CLEC6A: variants seen among roughly 807,000 people sequenced by gnomAD.
The protein encoded by CLEC6A is C-type lectin domain containing 6A.
In CLEC6A, 22 loss-of-function variants were observed where a neutral mutation model predicts 25.7. That is an observed-to-expected ratio of 0.85 (90% CI 0.61 to 1.22). The LOEUF (loss-of-function observed/expected upper bound fraction) is 1.22. CLEC6A is among the 50% of genes most tolerant of loss of function. CLEC6A has a pLI of 0.00. For missense variants in CLEC6A, 240 were observed against 236.8 expected, an observed-to-expected ratio of 1.01 and a Z score of -0.09; for synonymous variants, 92 against 76.7, an observed-to-expected ratio of 1.20 and a Z score of -1.04.
chr12:8,473,683 A>G (rs1939935932), intron 4 of CLEC6A, among the ~76,000 whole-genome samples: 1 of 152,166 alleles, frequency 6.6e-6, no homozygotes, highest in South Asian at 2.1e-4. Flanking sequence ...ACTAATTCGC[A>G]TTCCCACCAG....
At chr12:8,466,227 C>T (rs1939827400) in intron 4 of CLEC6A, among the ~76,000 whole-genome samples, 1 of 152,150 alleles carries the variant, frequency 6.6e-6, no homozygotes, top group African/African-American at 2.4e-5. Context: ...ATTTAGCCTT[C>T]TTTTTCTCCT....
At chr12:8,459,094 G>A (rs1217882272) in intron 2 of CLEC6A, among the ~76,000 whole-genome samples, 1 of 152,062 alleles carries the variant, frequency 6.6e-6, no homozygotes, top group Non-Finnish European at 1.5e-5. Context: ...GGTTATTAAG[G>A]CTAAGGAGAA....
chr12:8,476,221 C>A lies in CLEC6A; in HGVS notation c.466C>A (p.Pro156Thr), dbSNP rs1939972589. 2 of 1,601,840 alleles carry A rather than the reference C, an allele frequency of 1.2e-6. No homozygotes were observed. The highest frequency in any genetic ancestry group is 2.2e-5 in the East Asian group (1 of 44,824). ...TAATTGGCAATGGATTGATAAGACA[C>A]CTTATGAGAAAAATGTCAGGTGAGT... is the stretch of plus-strand genomic sequence containing the variant. The part of the protein sequence containing the change: ...NNNWQWIDKT[P>T]YEKNVRFWHL... Residue 156 changes from proline (P) to threonine (T), a missense_variant, in exon 5 of 6, where the codon CCT (proline) becomes ACT (threonine). Physicochemically the swap from Pro to Thr is conservative, Grantham distance 38. Coordinates refer to ENST00000382073, the MANE Select transcript of CLEC6A (RefSeq NM_001007033.2).
chr12:8,456,292 T>C, intron 1 of CLEC6A, 150 bp downstream of exon 1: 4 of 751,468 alleles, frequency 5.3e-6, no homozygotes, highest in Non-Finnish European at 6.5e-6. Flanking sequence ...GAGTAATTCT[T>C]CAGAGCCAGA....
chr12:8,464,478 G>A (rs186321447), intron 3 of CLEC6A, among the ~76,000 whole-genome samples: 126 of 152,050 alleles, frequency 8.3e-4, no homozygotes, highest in African/African-American at 2.7e-3. Flanking sequence ...AAAGGCGTCC[G>A]CCACCACACC....
chr12:8,459,766 T>C, intron 3 of CLEC6A, 68 bp downstream of exon 3: 3 of 982,946 alleles, frequency 3.1e-6, no homozygotes, highest in South Asian at 2.5e-5. Flanking sequence ...GAGCTCAAGA[T>C]TGGTGTATTC....
At chr12:8,457,052 G>A (rs367673177) in intron 1 of CLEC6A, among the ~76,000 whole-genome samples, 1 of 152,016 alleles carries the variant, frequency 6.6e-6, no homozygotes, top group Non-Finnish European at 1.5e-5. Context: ...GGAGGTTGCA[G>A]GGTGCCAAGA....
chr12:8,465,707 G>A, intron 4 of CLEC6A, 78 bp downstream of exon 4: 1 of 1,306,388 alleles, frequency 7.7e-7, no homozygotes, highest in South Asian at 1.3e-5. Flanking sequence ...CCATTTTTCA[G>A]TGTACTGTTC....
At chr12:8,477,073 T>C (rs1434348812) in intron 5 of CLEC6A, among the ~76,000 whole-genome samples, 7 of 152,082 alleles carry the variant, frequency 4.6e-5, no homozygotes, top group Admixed American at 1.3e-4. Flanking sequence ...AAGAGGAAGA[T>C]GATTGCAGCG....
chr12:8,477,578 C>G lies in CLEC6A; in HGVS notation c.*114C>G. On this transcript the variant is annotated 3_prime_UTR_variant, in exon 6 of 6. Coordinates refer to ENST00000382073, the MANE Select transcript of CLEC6A (RefSeq NM_001007033.2). The stretch of plus-strand genomic sequence containing the variant: ...ATTTCTTCCTGAATTTACACATAAT[C>G]CTTATGTTATAGAGGTTCACAGAAA... 7.8e-6 allele frequency: 6 copies of G among 773,676 alleles called. No homozygotes were observed. Among genetic ancestry groups the G allele is most frequent in the African/African-American group, 1.8e-5 (1 of 56,046 alleles). The allele number at this position is 773,676 out of a possible 1,614,324, so 47.9% of individuals were successfully genotyped here. A position where few individuals can be genotyped will look rare whatever the true frequency, so the allele number is the denominator to read the frequency against.
Position 8,477,554 on chromosome 12 carries a change from T to G in CLEC6A, c.*90T>G. The G allele has an allele frequency of 1.0e-6, 1 of 994,510 alleles. No individual in the cohort carries two copies. The highest frequency in any genetic ancestry group is 1.5e-6 in the Non-Finnish European group (1 of 685,852). 61.6% of individuals were successfully genotyped at this position (994,510 alleles called of 1,614,324 possible). A position where few individuals can be genotyped will look rare whatever the true frequency, so the allele number is the denominator to read the frequency against. ...ATTGAACCCTATCATGAAATGATAA[T>G]TTCTTCCTGAATTTACACATAATCC... On this transcript the variant is annotated 3_prime_UTR_variant, in exon 6 of 6. Coordinates refer to ENST00000382073, the MANE Select transcript of CLEC6A (RefSeq NM_001007033.2).
intron 2 of CLEC6A, among the ~76,000 whole-genome samples, chr12:8,458,494 T>A (rs747274053): frequency 6.6e-6 from 1 of 152,154 alleles, no homozygotes; most frequent in Non-Finnish European, 1.5e-5. Context: ...ATGTCTCAAG[T>A]TCATTGTGTG....
Position 8,457,929 on chromosome 12 carries a change from G to C in CLEC6A, c.63G>C (p.Trp21Cys). The change falls in exon 2 of 6, where the codon TGG becomes TGC. Residue 21 changes from tryptophan (W) to cysteine (C), a missense_variant. By Grantham distance (215) the Trp-to-Cys change is radical. Transcript: ENST00000382073. ...GAGGCTGGTTGTCCCTGAGACTCTG[G>C]TCTGTGGCTGGGATTTCCATTGCAC... ...EKRGWLSLRL[W>C]SVAGISIALL... is the part of the protein sequence containing the mutation. 6.2e-7 allele frequency: 1 copy of C among 1,614,066 alleles called. No homozygotes were observed. The highest frequency in any genetic ancestry group is 8.5e-7 in the Non-Finnish European group (1 of 1,179,960).
chr12:8,460,946 G>A (rs1939746123), intron 3 of CLEC6A: 2 of 901,542 alleles, frequency 2.2e-6, no homozygotes, highest in Non-Finnish European at 3.7e-6. Context: ...GGATGCCACT[G>A]TGGGGCTCTA....
At chr12:8,461,255 C>A in intron 3 of CLEC6A, 1 of 636,334 alleles carries the variant, frequency 1.6e-6, no homozygotes, top group South Asian at 1.9e-5. Flanking sequence ...TTGTAAAATT[C>A]ATACCTAATA....
chr12:8,471,891 G>GA (rs1302401814), intron 4 of CLEC6A, among the ~76,000 whole-genome samples: 1 of 152,120 alleles, frequency 6.6e-6, no homozygotes, highest in Non-Finnish European at 1.5e-5. Flanking sequence ...GAAATCTGCT[G>GA]ACAGTTATAG....
chr12:8,460,854 A>T (rs1939744331), intron 3 of CLEC6A: 1 of 909,028 alleles, frequency 1.1e-6, no homozygotes. Flanking sequence ...CTAAGGGTAC[A>T]ACTTACCGCA....
intron 2 of CLEC6A, among the ~76,000 whole-genome samples, chr12:8,458,370 T>C (rs1939705723): frequency 6.6e-6 from 1 of 152,238 alleles, no homozygotes; most frequent in Non-Finnish European, 1.5e-5. Context: ...CTATATTAGA[T>C]TCTTTGATTC....
intron 3 of CLEC6A, among the ~76,000 whole-genome samples, chr12:8,465,002 A>T (rs1939811484): frequency 6.6e-6 from 1 of 152,208 alleles, no homozygotes; most frequent in Non-Finnish European, 1.5e-5. Flanking sequence ...TTGAGGCTCA[A>T]GAAGGTTATG....
Sources: allele counts gnomAD v4.1 joint callset (sites outside exome capture counted in the v4.1 genomes callset), GRCh38; gene constraint gnomAD v4.1.1; transcripts MANE v1.5; gene names NCBI Gene and HGNC (gene_info 2026-07-23, HGNC 2026-07-21).